CDH12: variants seen among roughly 807,000 people sequenced by gnomAD.
CDH12 encodes the protein cadherin-12.
Under a neutral mutation model 74.1 loss-of-function variants are expected in CDH12, and 41 were observed. That is an observed-to-expected ratio of 0.55 (90% CI 0.43 to 0.72). The LOEUF (loss-of-function observed/expected upper bound fraction) is 0.72. Among genes scored for constraint, CDH12 ranks in the 30% least tolerant of loss-of-function variants. CDH12 has a pLI of 0.00. For missense variants in CDH12, 945 were observed against 977.2 expected (o/e 0.97, Z 0.44); for synonymous variants, 399 against 355.0 (o/e 1.12, Z -1.39).
At chr5:22,501,746 T>TAA (rs11379349) in intron 2 of CDH12, among the ~76,000 whole-genome samples, 2,232 of 143,702 alleles carry the variant, frequency 0.016, 33 homozygotes, top group South Asian at 0.043. Flanking sequence ...CAAAGTATAT[T>TAA]AAAAAAAAAA....
At chr5:22,047,756 T>C (rs964323813) in intron 5 of CDH12, among the ~76,000 whole-genome samples, 4 of 152,190 alleles carry the variant, frequency 2.6e-5, no homozygotes, top group Non-Finnish European at 4.4e-5. Context: ...TTCCTACTGG[T>C]TTCCATTTCA....
chr5:22,337,381 G>A (rs1454218301), intron 3 of CDH12, among the ~76,000 whole-genome samples: 5 of 152,108 alleles, frequency 3.3e-5, no homozygotes, highest in Admixed American at 3.3e-4. Context: ...GTGCTGGGGT[G>A]GAATGATATG....
At chr5:22,724,057 T>C (rs1292551617) in intron 1 of CDH12, among the ~76,000 whole-genome samples, 2 of 151,674 alleles carry the variant, frequency 1.3e-5, no homozygotes, top group African/African-American at 4.8e-5. Flanking sequence ...TAGCGTCACA[T>C]AGGTAGCAAT....
intron 6 of CDH12, among the ~76,000 whole-genome samples, chr5:21,927,309 G>C (rs920515871): frequency 1.3e-5 from 2 of 152,152 alleles, no homozygotes; most frequent in African/African-American, 4.8e-5. Context: ...AATCAGGCCG[G>C]GCACGGTGGC....
intron 3 of CDH12, among the ~76,000 whole-genome samples, chr5:22,338,872 G>A (rs1015359078): frequency 6.6e-6 from 1 of 152,162 alleles, no homozygotes; most frequent in African/African-American, 2.4e-5. Flanking sequence ...GGCTGAGTAG[G>A]ACAATGTGGA....
intron 3 of CDH12, among the ~76,000 whole-genome samples, chr5:22,254,999 T>C (rs1753263951): frequency 6.6e-6 from 1 of 151,928 alleles, no homozygotes; most frequent in South Asian, 2.1e-4. Context: ...TCTAACTGTA[T>C]TTTTGTACCC....
intron 5 of CDH12, among the ~76,000 whole-genome samples, chr5:22,058,512 G>T (rs1740914535): frequency 6.6e-6 from 1 of 151,770 alleles, no homozygotes; most frequent in Non-Finnish European, 1.5e-5. Flanking sequence ...AATCTTTAAT[G>T]ATACTGCTTT....
chr5:22,125,285 G>A (rs111453876), intron 4 of CDH12, among the ~76,000 whole-genome samples: 3,875 of 151,876 alleles, frequency 0.026, 74 homozygotes, highest in South Asian at 0.056. Context: ...GACAGGCCTC[G>A]GTGTATGATG....
chr5:22,520,311 A>T (rs1489737976), intron 1 of CDH12, among the ~76,000 whole-genome samples: 1 of 152,178 alleles, frequency 6.6e-6, no homozygotes, highest in Non-Finnish European at 1.5e-5. Context: ...TATATAAGAC[A>T]GGGATTGGTA....
At chr5:21,904,937 C>A (rs1180194617) in intron 6 of CDH12, among the ~76,000 whole-genome samples, 2 of 152,064 alleles carry the variant, frequency 1.3e-5, no homozygotes, top group African/African-American at 2.4e-5. Context: ...ATAGAAAAGT[C>A]CCCCCAAATA....
intron 2 of CDH12, among the ~76,000 whole-genome samples, chr5:22,489,733 T>C (rs1403354231): frequency 6.7e-6 from 1 of 149,348 alleles, no homozygotes; most frequent in Non-Finnish European, 1.5e-5. Flanking sequence ...TCTCCCTCTG[T>C]GGCCCAGGCT....
At chr5:22,660,777 T>G (rs80145927) in intron 1 of CDH12, among the ~76,000 whole-genome samples, 7,699 of 152,286 alleles carry the variant, frequency 0.051, 249 homozygotes, top group Admixed American at 0.076. Flanking sequence ...CTCAATAATT[T>G]AAATACAATA....
intron 1 of CDH12, among the ~76,000 whole-genome samples, chr5:22,595,915 A>AAAAT (rs370577569): frequency 6.0e-5 from 9 of 150,822 alleles, no homozygotes; most frequent in South Asian, 2.1e-4. Context: ...GTCTCTACTA[A>AAAAT]AAATAAATAA....
At chr5:21,805,295 C>T (rs1199708286) in intron 9 of CDH12, among the ~76,000 whole-genome samples, 1 of 152,016 alleles carries the variant, frequency 6.6e-6, no homozygotes, top group African/African-American at 2.4e-5. Flanking sequence ...TTACACACTA[C>T]TGTTATCTAG....
At chr5:21,999,531 C>T (rs1216668264) in intron 5 of CDH12, among the ~76,000 whole-genome samples, 1 of 152,138 alleles carries the variant, frequency 6.6e-6, no homozygotes, top group African/African-American at 2.4e-5. Flanking sequence ...CATATATTCC[C>T]AGATCATGTC....
chr5:22,128,065 G>A (rs964384198), intron 4 of CDH12, among the ~76,000 whole-genome samples: 2 of 151,992 alleles, frequency 1.3e-5, no homozygotes, highest in African/African-American at 4.8e-5. Flanking sequence ...AGGTGCCAAA[G>A]ATTGATGTGT....
intron 4 of CDH12, among the ~76,000 whole-genome samples, chr5:22,149,262 C>T (rs1177618751): frequency 1.3e-5 from 2 of 152,122 alleles, no homozygotes; most frequent in Non-Finnish European, 2.9e-5. Context: ...AGAATGTGAA[C>T]ATATATTCTT....
At chr5:21,819,876 A>T (rs1748270163) in intron 8 of CDH12, among the ~76,000 whole-genome samples, 1 of 152,000 alleles carries the variant, frequency 6.6e-6, no homozygotes, top group African/African-American at 2.4e-5. Context: ...AGCTGGGGAC[A>T]TTTCTGTTTA....
intron 1 of CDH12, among the ~76,000 whole-genome samples, chr5:22,634,008 T>C (rs887628259): frequency 6.6e-6 from 1 of 152,156 alleles, no homozygotes; most frequent in South Asian, 2.1e-4. Flanking sequence ...AGCTTTTGTA[T>C]AGTATTGAAA....
Sources: gnomAD v4.1 joint callset for allele counts (sites outside exome capture counted in the v4.1 genomes callset) on GRCh38, gnomAD v4.1.1 for gene constraint, MANE v1.5 for transcripts, NCBI Gene and HGNC (gene_info 2026-07-23, HGNC 2026-07-21) for gene names.